The following CREB5 variants were observed in gnomAD, a reference collection of about 807,000 sequenced individuals.
CREB5 encodes cAMP responsive element binding protein 5, also known as cyclic AMP-responsive element-binding protein 5.
Under a neutral mutation model 57.1 loss-of-function variants are expected in CREB5, and 19 were observed. That is an observed-to-expected ratio of 0.33 (90% CI 0.23 to 0.49). CREB5 has a LOEUF of 0.49. Ranked by LOEUF, CREB5 falls within the 20% of genes least tolerant of loss-of-function variation. The pLI is 0.99. For missense variants in CREB5, 579 were observed against 671.6 expected, an observed-to-expected ratio of 0.86 and a Z score of 1.52; for synonymous variants, 238 against 238.3, an observed-to-expected ratio of 1.00 and a Z score of 0.01.
intron 5 of CREB5, chr7:28,615,413 G>T (rs1177475504): frequency 1.3e-5 from 2 of 152,402 alleles, no homozygotes; most frequent in Non-Finnish European, 2.9e-5. Flanking sequence ...GAGCCACGGA[G>T]GCCAGTCACC....
intron 7 of CREB5, among the ~76,000 whole-genome samples, chr7:28,781,573 T>C (rs1308805899): frequency 6.6e-6 from 1 of 152,180 alleles, no homozygotes. Flanking sequence ...CCACAGCATT[T>C]CCTACCAAAG....
At chr7:28,660,804 TG>T (rs767137875) in intron 5 of CREB5, among the ~76,000 whole-genome samples, 24 of 152,138 alleles carry the variant, frequency 1.6e-4, no homozygotes, top group Non-Finnish European at 3.2e-4. Flanking sequence ...TGGGAAGTGC[TG>T]GAATCCAAAG....
intron 4 of CREB5, among the ~76,000 whole-genome samples, chr7:28,549,550 C>G (rs1014802740): frequency 2.0e-5 from 3 of 152,200 alleles, no homozygotes; most frequent in Non-Finnish European, 4.4e-5. Context: ...AAGCTATATG[C>G]TTATGTTCAG....
intron 5 of CREB5, among the ~76,000 whole-genome samples, chr7:28,609,410 G>C (rs541845625): frequency 1.3e-5 from 2 of 152,246 alleles, no homozygotes; most frequent in South Asian, 2.1e-4. Flanking sequence ...TTTAACAAAT[G>C]CCTGTTAAGA....
intron 7 of CREB5, among the ~76,000 whole-genome samples, chr7:28,760,903 C>T (rs1423533934): frequency 6.6e-6 from 1 of 152,038 alleles, no homozygotes; most frequent in Non-Finnish European, 1.5e-5. Context: ...ATTTTCAAAG[C>T]ACTTTGAAAA....
At chr7:28,386,919 A>G (rs1243931490) in intron 1 of CREB5, among the ~76,000 whole-genome samples, 1 of 152,128 alleles carries the variant, frequency 6.6e-6, no homozygotes, top group Non-Finnish European at 1.5e-5. Flanking sequence ...GTTTCTTTTT[A>G]TGGCTGCATA....
At position 28,678,976 on chromosome 7, in the gene CREB5, A is replaced by G. The variant is rs145472782; in HGVS notation, c.465-39777A>G. 5.0e-3 allele frequency among the ~76,000 whole-genome samples: 755 copies of G among 151,450 alleles called. 6 individuals carry two copies. The highest frequency in any genetic ancestry group is 0.017 in the African/African-American group (709 of 41,342). On this transcript the variant is annotated intron_variant, in intron 5 of 10. Coordinates refer to ENST00000357727, the MANE Select transcript of CREB5 (RefSeq NM_182898.4). ...GGAAAGAAATGAAACCACAAATACA[A>G]TTCCTTAGTTTAAGCTTGCCTTTTT... is the stretch of plus-strand genomic sequence containing the variant.
chr7:28,306,653 C>T (rs1263414449), intron 1 of CREB5, among the ~76,000 whole-genome samples: 8 of 150,358 alleles, frequency 5.3e-5, no homozygotes, highest in African/African-American at 1.5e-4. Flanking sequence ...CTCCGCCTCC[C>T]GGGTTCACGC....
At chr7:28,345,410 G>C (rs1293018446) in intron 1 of CREB5, among the ~76,000 whole-genome samples, 5 of 152,010 alleles carry the variant, frequency 3.3e-5, no homozygotes, top group Middle Eastern at 3.4e-3. Context: ...ATCAATATCA[G>C]TTGTTACTTT....
At chr7:28,404,531 C>G (rs57186183) in intron 1 of CREB5, among the ~76,000 whole-genome samples, 6,791 of 152,196 alleles carry the variant, frequency 0.045, 182 homozygotes, top group Non-Finnish European at 0.05. Context: ...GCAGACATGC[C>G]GTGATCACCA....
chr7:28,606,524 G>A (rs1379907471), intron 5 of CREB5, among the ~76,000 whole-genome samples: 2 of 152,162 alleles, frequency 1.3e-5, no homozygotes, highest in African/African-American at 4.8e-5. Context: ...TCAGCAGTCA[G>A]AAGTGGCTCA....
chr7:28,648,204 A>G (rs1032666846), intron 5 of CREB5, among the ~76,000 whole-genome samples: 5 of 152,194 alleles, frequency 3.3e-5, no homozygotes, highest in African/African-American at 1.2e-4. Context: ...CAGGGGTAAG[A>G]TAAATGATAA....
At chr7:28,769,139 T>C (rs1806176687) in intron 7 of CREB5, among the ~76,000 whole-genome samples, 1 of 152,254 alleles carries the variant, frequency 6.6e-6, no homozygotes, top group Non-Finnish European at 1.5e-5. Flanking sequence ...CATTTTTTCT[T>C]TTTCTTTTAT....
At chr7:28,706,555 G>A (rs1047893655) in intron 5 of CREB5, among the ~76,000 whole-genome samples, 1 of 152,120 alleles carries the variant, frequency 6.6e-6, no homozygotes, top group Admixed American at 6.5e-5. Context: ...GAGTAGCTTG[G>A]AAAATAGCAA....
At chr7:28,794,863 A>G (rs28608003) in intron 7 of CREB5, among the ~76,000 whole-genome samples, 37,724 of 152,134 alleles carry the variant, frequency 0.25, 4,948 homozygotes, top group African/African-American at 0.34. Context: ...GAAATCATCA[A>G]ACGTGCCAAG....
chr7:28,325,616 T>A (rs772903624), intron 1 of CREB5, among the ~76,000 whole-genome samples: 10 of 152,198 alleles, frequency 6.6e-5, no homozygotes, highest in Non-Finnish European at 1.3e-4. Context: ...CTGTGCCTGC[T>A]ATGCATACTT....
rs536038396 is a variant in CREB5, at chr7:28,504,631, GT to G, written c.170-2977del. Among the ~76,000 whole-genome samples the G allele has an allele frequency of 4.5e-4, 68 of 152,138 alleles. 1 individual carries two copies. In the South Asian group the frequency reaches 0.011, roughly 24 times the overall value. On this transcript the variant is annotated intron_variant, in intron 3 of 10. Coordinates refer to ENST00000357727, the MANE Select transcript of CREB5 (RefSeq NM_182898.4). Reference sequence around the variant, plus strand: ...TAACTTTTGAGTTTGAGAGTTGAAAGTTTTTTTTGTTGTTACTGCTTTTGTA... The same window carrying G: ...TAACTTTTGAGTTTGAGAGTTGAAAGTTTTTTTGTTGTTACTGCTTTTGTA...
At chr7:28,749,810 T>C (rs535069581) in intron 7 of CREB5, among the ~76,000 whole-genome samples, 2 of 152,224 alleles carry the variant, frequency 1.3e-5, no homozygotes, top group African/African-American at 4.8e-5. Context: ...AAGAAGTGTT[T>C]AATGCAGTTG....
chr7:28,707,786 A>C (rs928605710), intron 5 of CREB5, among the ~76,000 whole-genome samples: 1 of 152,220 alleles, frequency 6.6e-6, no homozygotes, highest in East Asian at 1.9e-4. Flanking sequence ...ATGTACTGTT[A>C]CTATTCTGCT....
Sources: gnomAD v4.1 joint callset for allele counts (sites outside exome capture counted in the v4.1 genomes callset) on GRCh38, gnomAD v4.1.1 for gene constraint, MANE v1.5 for transcripts, NCBI Gene and HGNC (gene_info 2026-07-23, HGNC 2026-07-21) for gene names.